LIMCH1: variants seen among roughly 807,000 people sequenced by gnomAD.
LIMCH1 encodes the protein LIM and calponin homology domains-containing protein 1.
A neutral mutation model predicts 176.5 loss-of-function variants in LIMCH1; 113 were observed. The ratio of observed to expected loss-of-function variants is 0.64; its 90% CI spans 0.55 to 0.75. The LOEUF (loss-of-function observed/expected upper bound fraction) is 0.75. Ranked by LOEUF, LIMCH1 falls within the 30% of genes least tolerant of loss-of-function variation. The pLI, the probability that LIMCH1 is intolerant of heterozygous loss-of-function variation, is 0.00. For synonymous variants in LIMCH1, 619 were observed against 645.9 expected (o/e 0.96, Z 0.63); for missense variants, 1,674 against 1,814.9 (o/e 0.92, Z 1.41).
intron 1 of LIMCH1, among the ~76,000 whole-genome samples, chr4:41,592,421 C>T (rs1468209580): frequency 6.6e-6 from 1 of 152,196 alleles, no homozygotes; most frequent in African/African-American, 2.4e-5. Context: ...AACTGTCAAG[C>T]TGGTGGTTAA....
intron 2 of LIMCH1, among the ~76,000 whole-genome samples, chr4:41,502,674 T>G (rs552784962): frequency 2.6e-4 from 39 of 152,330 alleles, no homozygotes; most frequent in Admixed American, 1.2e-3. Flanking sequence ...TGAGCTTTTT[T>G]TCATACTGGT....
Position 41,699,151 on chromosome 4 carries a change from A to G in LIMCH1, c.*1966A>G, listed in dbSNP as rs1013571377. On this transcript the variant is annotated 3_prime_UTR_variant, in exon 32 of 32. Transcript: ENST00000503057. Reference sequence around the variant, plus strand: ...AGAGTACCACTAGTAATGCACAAACATGTACAATATGGTCATTCATAACCG... The same window carrying G: ...AGAGTACCACTAGTAATGCACAAACGTGTACAATATGGTCATTCATAACCG... 7.2e-6 allele frequency: 1 copy of G among 138,952 alleles called. No individual in the cohort carries two copies. The highest frequency in any genetic ancestry group is 2.5e-5 in the African/African-American group (1 of 40,326). The allele number at this position is 138,952 out of a possible 1,614,324, so 8.6% of individuals were successfully genotyped here. A position where few individuals can be genotyped will look rare whatever the true frequency, so the allele number is the denominator to read the frequency against.
At chr4:41,426,924 G>A (rs1027482561) in intron 1 of LIMCH1, among the ~76,000 whole-genome samples, 2 of 152,202 alleles carry the variant, frequency 1.3e-5, no homozygotes, top group African/African-American at 2.4e-5. Context: ...TATGTTTGAT[G>A]TATTCAGTGA....
chr4:41,659,137 C>G (rs1176838795), intron 18 of LIMCH1, among the ~76,000 whole-genome samples: 1 of 152,134 alleles, frequency 6.6e-6, no homozygotes, highest in Non-Finnish European at 1.5e-5. Flanking sequence ...ACAATGTAAA[C>G]ACACACATGT....
chr4:41,505,620 C>T (rs1001459381), intron 2 of LIMCH1, among the ~76,000 whole-genome samples: 3 of 152,158 alleles, frequency 2.0e-5, no homozygotes, highest in Admixed American at 6.5e-5. Flanking sequence ...CCAGAACCTT[C>T]TAGGCAGTGT....
At chr4:41,441,719 T>C (rs2062721522) in intron 1 of LIMCH1, among the ~76,000 whole-genome samples, 1 of 152,214 alleles carries the variant, frequency 6.6e-6, no homozygotes, top group Non-Finnish European at 1.5e-5. Flanking sequence ...TAATACTCTT[T>C]TTCTTTTTCT....
At chr4:41,568,954 G>A (rs1469762132) in intron 1 of LIMCH1, among the ~76,000 whole-genome samples, 1 of 151,712 alleles carries the variant, frequency 6.6e-6, no homozygotes, top group African/African-American at 2.4e-5. Context: ...TACATATGGT[G>A]TAATGAAAAT....
intron 1 of LIMCH1, among the ~76,000 whole-genome samples, chr4:41,477,311 A>G (rs2067896162): frequency 6.6e-6 from 1 of 152,162 alleles, no homozygotes; most frequent in South Asian, 2.1e-4. Context: ...GGGCTTGGGT[A>G]CAGACAGTAG....
chr4:41,633,235 AAGATCAG>A, intron 12 of LIMCH1, 150 bp downstream of exon 12: 1 of 668,188 alleles, frequency 1.5e-6, no homozygotes, highest in Non-Finnish European at 2.5e-6. Context: ...TGCTCATCCC[AAGATCAG>A]AGTTCTGCTT....
chr4:41,417,545 C>T lies in LIMCH1; in HGVS notation c.96+56609C>T, dbSNP rs564736165. Among the ~76,000 whole-genome samples, 11 of 152,240 alleles carry T rather than the reference C, an allele frequency of 7.2e-5. No homozygotes were observed. The South Asian group carries it at 2.3e-3, about 32-fold the overall frequency. On this transcript the variant is annotated intron_variant, in intron 1 of 26. Coordinates refer to the LIMCH1 transcript ENST00000313860. Reference sequence around the variant, plus strand: ...GAGGGAGTTTCTTTCTACAGGGAGTCAGTGTTGCTCTGTTGCCCAGGCTGG... The same window carrying T: ...GAGGGAGTTTCTTTCTACAGGGAGTTAGTGTTGCTCTGTTGCCCAGGCTGG...
At chr4:41,592,412 A>G (rs1379748996) in intron 1 of LIMCH1, among the ~76,000 whole-genome samples, 1 of 152,172 alleles carries the variant, frequency 6.6e-6, no homozygotes, top group Non-Finnish European at 1.5e-5. Flanking sequence ...TTTGTATAAA[A>G]CTGTCAAGCT....
intron 23 of LIMCH1, 96 bp from the exon 24 acceptor site, chr4:41,679,910 T>A (rs956828094): frequency 3.5e-5 from 24 of 690,760 alleles, no homozygotes; most frequent in Non-Finnish European, 5.9e-5. Context: ...AAGAAGATAA[T>A]CTTGCAACAT....
intron 1 of LIMCH1, among the ~76,000 whole-genome samples, chr4:41,557,546 C>CTGTGTGTGTGTG (rs34757433): frequency 0.07 from 10,304 of 147,736 alleles, 404 homozygotes; most frequent in Non-Finnish European, 0.083. Context: ...TTTATTGCCT[C>CTGTGTGTGTGTG]TGTGTGTGTG....
intron 2 of LIMCH1, among the ~76,000 whole-genome samples, chr4:41,511,391 C>T (rs2152354765): frequency 6.6e-6 from 1 of 152,322 alleles, no homozygotes; most frequent in African/African-American, 2.4e-5. Flanking sequence ...GAATTCAGTC[C>T]TCTGAGCACC....
At chr4:41,472,265 C>T (rs1403594339) in intron 1 of LIMCH1, among the ~76,000 whole-genome samples, 1 of 152,178 alleles carries the variant, frequency 6.6e-6, no homozygotes, top group African/African-American at 2.4e-5. Context: ...CATGTAGGCG[C>T]CTGTTTGGCG....
At chr4:41,685,644 G>A (rs1340386992) in intron 27 of LIMCH1, 66 bp from the exon 28 acceptor site, 19 of 1,592,184 alleles carry the variant, frequency 1.2e-5, no homozygotes, top group East Asian at 6.8e-5. Flanking sequence ...TTTAAAGAAA[G>A]GTGACTTCCT....
rs2093195040 is a variant in LIMCH1 at position 41,629,644 on chromosome 4, A to T, written c.1181A>T (p.His394Leu). ...AGAATTCAGGGCAGCCTTGCCCCTC[A>T]CCGCGAGCCCCCGAGCTTCATTACG... ...QQRIQGSLAP[H>L]REPPSFITLS... is the part of the protein sequence containing the mutation. The change falls in exon 9 of 32, where the codon CAC (histidine) becomes CTC (leucine). Residue 394 changes from histidine to leucine, a missense_variant. His to Leu is a moderately conservative substitution (Grantham distance 99). Transcript: ENST00000503057. The T allele has an allele frequency of 6.5e-7, 1 of 1,535,568 alleles. No homozygotes were observed.
chr4:41,520,511 C>T (rs2076014323), intron 2 of LIMCH1, among the ~76,000 whole-genome samples: 1 of 152,080 alleles, frequency 6.6e-6, no homozygotes, highest in South Asian at 2.1e-4. Flanking sequence ...ATTTATTTAC[C>T]TGTTTTCTGT....
chr4:41,512,987 A>G (rs1415666961), intron 2 of LIMCH1, among the ~76,000 whole-genome samples: 2 of 152,028 alleles, frequency 1.3e-5, no homozygotes, highest in East Asian at 3.8e-4. Context: ...AGTCATCTAG[A>G]AATCTCATTC....
Sources: gnomAD v4.1 joint callset for allele counts (sites outside exome capture counted in the v4.1 genomes callset) on GRCh38, gnomAD v4.1.1 for gene constraint, MANE v1.5 for transcripts, NCBI Gene and HGNC (gene_info 2026-07-23, HGNC 2026-07-21) for gene names.